Variants in ZNF814 observed in about 807,000 individuals in gnomAD.
ZNF814 encodes the protein zinc finger protein 814.
Under a neutral mutation model 7.5 loss-of-function variants are expected in ZNF814, and 5 were observed. The ratio of observed to expected loss-of-function variants is 0.67; its 90% confidence interval spans 0.35 to 1.40. The LOEUF is 1.40. Ranked by LOEUF, ZNF814 falls within the 40% of genes most tolerant of loss-of-function variation. ZNF814 has a pLI of 0.04. For synonymous variants in ZNF814, 315 were observed against 340.7 expected (o/e 0.92, Z 0.83); for missense variants, 962 against 1,018.0 (o/e 0.94, Z 0.75).
At chr19:57,899,013 C>T in the ZNF814 span, among the ~76,000 whole-genome samples, 1 of 151,846 alleles carries the variant, frequency 6.6e-6, no homozygotes, top group Non-Finnish European at 1.5e-5. Flanking sequence ...GCTGTTAATG[C>T]TGTAATTCAA....
Position 57,870,713 on chromosome 19 carries a change from G to A in ZNF814, c.*2109C>T, listed in dbSNP as rs2071550335. On this transcript the variant is annotated 3_prime_UTR_variant, in exon 3 of 3. Transcript: ENST00000435989. ...AAAGACATGCATTACGCTGCACGTG[G>A]TGGCTCACCTGTAATCCCAGGACTT... 1 of 152,176 alleles carries A rather than the reference G, an allele frequency of 6.6e-6. No individual in the cohort carries two copies. Among genetic ancestry groups the A allele is most frequent in the Admixed American group, 6.5e-5 (1 of 15,272 alleles). 9.4% of individuals were successfully genotyped at this position (152,176 alleles called of 1,614,324 possible). A position where few individuals can be genotyped will look rare whatever the true frequency, so the allele number is the denominator to read the frequency against.
At position 57,873,873 on chromosome 19, in the gene ZNF814, T is replaced by C. The variant is rs879223259; in HGVS notation, c.1517A>G (p.Asn506Ser). The change falls in exon 3 of 3, where the codon AAC becomes AGC. Residue 506 changes from asparagine (N) to serine (S), a missense_variant. Asn to Ser is a conservative substitution (Grantham distance 46, BLOSUM62 1). Transcript: ENST00000435989. ...ECGKSFSQKG[N>S]LVLHQRVHTG... ...GTGAACTCGCTGGTGTAGAACGAGG[T>C]TGCCCTTTTGACTGAAAGATTTCCC... The C allele has an allele frequency of 6.2e-7, 1 of 1,612,150 alleles. No homozygotes were observed. The highest frequency in any genetic ancestry group is 8.5e-7 in the Non-Finnish European group (1 of 1,179,546).
intron 2 of ZNF814, among the ~76,000 whole-genome samples, chr19:57,876,064 A>G (rs2071605245): frequency 6.8e-6 from 1 of 146,734 alleles, no homozygotes; most frequent in Non-Finnish European, 1.5e-5. Context: ...GGTTCAAGCA[A>G]TTCTCTGCCT....
chr19:57,886,903 A>G (rs543626687), intron 1 of ZNF814, among the ~76,000 whole-genome samples: 3 of 151,632 alleles, frequency 2.0e-5, no homozygotes, highest in African/African-American at 4.9e-5. Context: ...AATAAATAAA[A>G]TAGGCTGAGT....
chr19:57,873,466 TAA>T lies in ZNF814; in HGVS notation c.1922_1923del (p.Phe641Ter). 6.2e-7 allele frequency: 1 copy of T among 1,614,152 alleles called. No individual in the cohort carries two copies. Among genetic ancestry groups the T allele is most frequent in the Non-Finnish European group, 8.5e-7 (1 of 1,180,014 alleles). ...TGATTCCTAAGGTGTCCTTTTTCAT[TAA>T]AAGATTTCCCACAGTCTCCACACTT... ...PYKCGDCGKS[F>X]NEKGHLRNHQ... On this transcript the variant is annotated frameshift_variant, in exon 3 of 3. Coordinates refer to ENST00000435989, the MANE Select transcript of ZNF814 (RefSeq NM_001144989.2). LOFTEE classifies it low-confidence loss of function (END_TRUNC).
At position 57,872,505 on chromosome 19, in the gene ZNF814, G is replaced by C. The variant is rs1314138201; in HGVS notation, c.*317C>G. On this transcript the variant is annotated 3_prime_UTR_variant, in exon 3 of 3. Coordinates refer to ENST00000435989, the MANE Select transcript of ZNF814 (RefSeq NM_001144989.2). ...CCCAAATGTATTTTATTTGTCTAGT[G>C]TGAACTCTCTGATATTCAAGGAGAA... is the stretch of plus-strand genomic sequence containing the variant. 3.3e-5 allele frequency: 19 copies of C among 577,664 alleles called. No individual in the cohort carries two copies. Among genetic ancestry groups the C allele is most frequent in the Non-Finnish European group, 9.0e-6 (3 of 332,430 alleles). The allele number at this position is 577,664 out of a possible 1,614,324, so 35.8% of individuals were successfully genotyped here.
chr19:57,883,050 A>C (rs1270769301), intron 1 of ZNF814, among the ~76,000 whole-genome samples: 1 of 152,248 alleles, frequency 6.6e-6, no homozygotes, highest in Non-Finnish European at 1.5e-5. Flanking sequence ...AAATTTGGCA[A>C]AGAAATTAAA....
chr19:57,892,019 T>C (rs2071737573), upstream of ZNF814, among the ~76,000 whole-genome samples: 2 of 152,196 alleles, frequency 1.3e-5, no homozygotes, highest in Admixed American at 1.3e-4. Flanking sequence ...CCCAAAGTGT[T>C]GGGATTACAG....
chr19:57,879,460 G>A (rs1328632049), intron 1 of ZNF814, among the ~76,000 whole-genome samples: 1 of 148,796 alleles, frequency 6.7e-6, no homozygotes, highest in Non-Finnish European at 1.5e-5. Context: ...GGTTATGAAT[G>A]CCAATAATGT....
chr19:57,885,795 G>T (rs2071686789), intron 1 of ZNF814: 1 of 151,754 alleles, frequency 6.6e-6, no homozygotes, highest in South Asian at 2.1e-4. Context: ...ATAACAAAAA[G>T]AGTATAATTG....
At position 57,872,726 on chromosome 19, in the gene ZNF814, C is replaced by T. The variant is rs149535034; in HGVS notation, c.*96G>A. ...AGAGCTGTGGGTAGATGACTTCCCA[C>T]AATCACTGCATTCATATGGCCTTTC... On this transcript the variant is annotated 3_prime_UTR_variant, in exon 3 of 3. Transcript: ENST00000435989. The T allele has an allele frequency of 3.6e-4, 573 of 1,607,446 alleles. 2 individuals are homozygous for T. The African/African-American group carries it at 6.5e-3, about 18-fold the overall frequency.
In ZNF814 at chr19:57,874,139, A is replaced by G. The variant is rs752560200; in HGVS notation, c.1251T>C (p.Phe417=). ...HYECGECGKS[F]SQKSSLIQHQ... The stretch of plus-strand genomic sequence containing the variant: ...GTTGAATGAGGCTGCTCTTTTGACT[A>G]AAGGATTTCCCACATTCTCCACATT... Residue 417 remains phenylalanine (F), a synonymous_variant, in exon 3 of 3, where the codon TTT becomes TTC. Transcript: ENST00000435989. 3 of 1,596,508 alleles carry G rather than the reference A, an allele frequency of 1.9e-6. No individual in the cohort carries two copies. Among genetic ancestry groups the G allele is most frequent in the South Asian group, 1.1e-5 (1 of 89,310 alleles).
chr19:57,902,707 C>T, the ZNF814 span, among the ~76,000 whole-genome samples: 110 of 151,712 alleles, frequency 7.3e-4, no homozygotes, highest in African/African-American at 2.6e-3. Context: ...GTCCCCCAGG[C>T]TGGAGTGCAG....
At chr19:57,889,445 GGGGTTA>G (rs1002998341), upstream of ZNF814, among the ~76,000 whole-genome samples, 1,019 of 152,294 alleles carry the variant, frequency 6.7e-3, 16 homozygotes, top group African/African-American at 0.023. Context: ...CCCTAAGGTT[GGGGTTA>G]GGGTTAGGGA....
chr19:57,883,432 G>A (rs1402966249), intron 1 of ZNF814, among the ~76,000 whole-genome samples: 1 of 151,628 alleles, frequency 6.6e-6, no homozygotes, highest in African/African-American at 2.4e-5. Context: ...GGAGGCCAAG[G>A]CGGATGGATC....
chr19:57,887,750 A>C (rs1482745801), intron 1 of ZNF814, among the ~76,000 whole-genome samples: 5 of 152,182 alleles, frequency 3.3e-5, no homozygotes, highest in African/African-American at 4.8e-5. Flanking sequence ...TTAACTGATA[A>C]GGGACTGGGA....
rs1408499913 is a variant in ZNF814 at position 57,872,438 on chromosome 19, ACT to A, written c.*382_*383del. ...CTGGTAAGGCCCTGATCCAGTGTTAACTCTGATCTTGAAGGAGCAAAGAGGTG... is the reference window on the plus strand; with the variant it reads ...CTGGTAAGGCCCTGATCCAGTGTTAACTGATCTTGAAGGAGCAAAGAGGTG... On this transcript the variant is annotated 3_prime_UTR_variant, in exon 3 of 3. Transcript: ENST00000435989. The A allele has an allele frequency of 1.7e-5, 6 of 350,170 alleles. No homozygotes were observed. The highest frequency in any genetic ancestry group is 1.1e-4 in the East Asian group (2 of 18,136). 21.7% of individuals were successfully genotyped at this position (350,170 alleles called of 1,614,324 possible).
In ZNF814 at chr19:57,873,902, T is replaced by C. The variant is rs753927963; in HGVS notation, c.1488A>G (p.Glu496=). ...CCTTTTGACTGAAAGATTTCCCACA[T>C]TCTCCACACTGATAAGGTCTTTCTC... The part of the protein sequence containing the change: ...HSGERPYQCG[E]CGKSFSQKGN... The change falls in exon 3 of 3, where the codon GAA becomes GAG. Residue 496 remains glutamate, a synonymous_variant. Transcript: ENST00000435989. 3 of 1,612,924 alleles carry C rather than the reference T, an allele frequency of 1.9e-6. No homozygotes were observed. The African/African-American group carries it at 4.0e-5, about 22-fold the overall frequency.
the ZNF814 span, among the ~76,000 whole-genome samples, chr19:57,900,074 A>G: frequency 6.6e-6 from 1 of 152,288 alleles, no homozygotes; most frequent in African/African-American, 2.4e-5. Context: ...TCTATTACTC[A>G]AAAAGCCCCT....
Sources: allele counts gnomAD v4.1 joint callset (sites outside exome capture counted in the v4.1 genomes callset), GRCh38; gene constraint gnomAD v4.1.1; transcripts MANE v1.5; gene names NCBI Gene and HGNC (gene_info 2026-07-23, HGNC 2026-07-21).